EDEM1: variants seen among roughly 807,000 people sequenced by gnomAD.
EDEM1 encodes ER degradation-enhancing alpha-mannosidase-like protein 1.
Under a neutral mutation model 74.4 loss-of-function variants are expected in EDEM1, and 67 were observed. That is an observed-to-expected ratio of 0.90 (90% CI 0.74 to 1.10). The LOEUF is 1.10. EDEM1 is among the 50% of genes least tolerant of loss of function. The pLI is 0.00. For missense variants in EDEM1, 926 were observed against 851.6 expected (o/e 1.09, Z -1.09); for synonymous variants, 382 against 335.9 (o/e 1.14, Z -1.50).
intron 2 of EDEM1, 99 bp downstream of exon 2, chr3:5,195,380 G>A: frequency 1.8e-6 from 1 of 564,818 alleles, no homozygotes; most frequent in Non-Finnish European, 2.8e-6. Flanking sequence ...AGCCTGATAA[G>A]TCAAAATGTA....
At chr3:5,196,935 C>T (rs201733860) in intron 2 of EDEM1, among the ~76,000 whole-genome samples, 2,167 of 138,380 alleles carry the variant, frequency 0.016, 58 homozygotes, top group African/African-American at 0.055. Context: ...CTTTTCTTTT[C>T]TTTTTTTTTT....
rs1360257212 is a variant in EDEM1, at chr3:5,217,730, G to T, written c.*1812G>T. 1 of 151,994 alleles carries T rather than the reference G, an allele frequency of 6.6e-6. No individual in the cohort carries two copies. The highest frequency in any genetic ancestry group is 1.5e-5 in the Non-Finnish European group (1 of 68,022). 9.4% of individuals were successfully genotyped at this position (151,994 alleles called of 1,614,324 possible). On this transcript the variant is annotated 3_prime_UTR_variant, in exon 12 of 12. Transcript: ENST00000256497. Reference sequence around the variant, plus strand: ...TTAACAGTGTCCCATCTACTGAATAGAAAACTTTGAGAATAATATATATAT... The same window carrying T: ...TTAACAGTGTCCCATCTACTGAATATAAAACTTTGAGAATAATATATATAT...
chr3:5,208,133 C>T lies in EDEM1; in HGVS notation c.1379C>T (p.Ala460Val), dbSNP rs867423282. 5 of 1,609,360 alleles carry T rather than the reference C, an allele frequency of 3.1e-6. No individual in the cohort carries two copies. The highest frequency in any genetic ancestry group is 4.2e-6 in the Non-Finnish European group (5 of 1,178,760). ...GDVEDAICLH[A>V]FYYAIWKRYG... ...GTGGAAGATGCCATCTGCCTTCATG[C>T]CTTCTACTATGCCATATGGAAACGA... The change falls in exon 8 of 12, where the codon GCC becomes GTC. Residue 460 changes from alanine (A) to valine (V), a missense_variant. Coordinates refer to ENST00000256497, the MANE Select transcript of EDEM1 (RefSeq NM_014674.3).
chr3:5,210,986 C>T (rs2106608257), intron 9 of EDEM1, 134 bp from the exon 10 acceptor site: 1 of 803,788 alleles, frequency 1.2e-6, no homozygotes, highest in South Asian at 1.8e-5. Flanking sequence ...AGGAGAGCCC[C>T]TCAATGTAAA....
chr3:5,190,919 G>A (rs1329986121), intron 1 of EDEM1, among the ~76,000 whole-genome samples: 2 of 152,018 alleles, frequency 1.3e-5, no homozygotes, highest in Admixed American at 6.5e-5. Flanking sequence ...CACAGTAGGT[G>A]TATATATTTA....
In EDEM1 at chr3:5,205,116, C is replaced by G. The variant is rs1449410247; in HGVS notation, c.1092C>G (p.Gly364=). The change falls in exon 6 of 12, where the codon GGC becomes GGG. Residue 364 remains glycine (G), a synonymous_variant. Transcript: ENST00000256497. ...QTGHWVGKQS[G]LGAGLDSFYE... ...GCCACTGGGTTGGAAAGCAGAGTGG[C>G]CTGGGTGCCGGGCTGGACTCCTTCT... 6.2e-7 allele frequency: 1 copy of G among 1,614,178 alleles called. No homozygotes were observed. Among genetic ancestry groups the G allele is most frequent in the Admixed American group, 1.7e-5 (1 of 60,018 alleles).
At position 5,199,657 on chromosome 3, in the gene EDEM1, CAA is replaced by C. The variant is rs749786406; in HGVS notation, c.650_651del (p.Lys217ArgfsTer8). 6.2e-7 allele frequency: 1 copy of C among 1,613,804 alleles called. No individual in the cohort carries two copies. The highest frequency in any genetic ancestry group is 2.2e-5 in the East Asian group (1 of 44,872). On this transcript the variant is annotated frameshift_variant, in exon 3 of 12. Coordinates refer to ENST00000256497, the MANE Select transcript of EDEM1 (RefSeq NM_014674.3). LOFTEE classifies it high-confidence loss of function. ...TAGTGATCAACACAGTTTCATTTGA[CAA>C]AGATTCCACCGTCCAAGTCTTTGAG... ...KLVINTVSFD[K>X]DSTVQVFEAT...
At chr3:5,209,721 A>T (rs192552529) in intron 8 of EDEM1, among the ~76,000 whole-genome samples, 1 of 152,294 alleles carries the variant, frequency 6.6e-6, no homozygotes, top group East Asian at 1.9e-4. Context: ...GCCTCCTTTC[A>T]TACTTCGGAA....
rs1051178410 is a variant in EDEM1, at chr3:5,216,173, A to G, written c.*255A>G. 1.0e-5 allele frequency: 5 copies of G among 494,990 alleles called. No individual in the cohort carries two copies. Among genetic ancestry groups the G allele is most frequent in the Non-Finnish European group, 1.8e-5 (5 of 284,162 alleles). The allele number at this position is 494,990 out of a possible 1,614,324, so 30.7% of individuals were successfully genotyped here. On this transcript the variant is annotated 3_prime_UTR_variant, in exon 12 of 12. Transcript: ENST00000256497. ...GAAATTGCCCTCTTATGACATGTTG[A>G]TGTTATAAGCACAATAGATGGGGCA...
At chr3:5,215,433 C>T (rs563532594) in intron 11 of EDEM1, among the ~76,000 whole-genome samples, 1 of 152,296 alleles carries the variant, frequency 6.6e-6, no homozygotes, top group African/African-American at 2.4e-5. Context: ...GGACTAAGGA[C>T]CCCAGGGATG....
At chr3:5,204,217 G>T (rs1383654633) in intron 5 of EDEM1, among the ~76,000 whole-genome samples, 2 of 152,048 alleles carry the variant, frequency 1.3e-5, no homozygotes, top group Non-Finnish European at 2.9e-5. Flanking sequence ...AGCCTGGCCT[G>T]TGTAACTTCT....
intron 3 of EDEM1, among the ~76,000 whole-genome samples, chr3:5,200,740 T>C (rs1374127077): frequency 2.0e-5 from 3 of 152,186 alleles, no homozygotes; most frequent in African/African-American, 7.2e-5. Context: ...GCCTGCTGCC[T>C]CTTAGTAGGT....
At chr3:5,196,043 A>C (rs950006758) in intron 2 of EDEM1, among the ~76,000 whole-genome samples, 2 of 152,136 alleles carry the variant, frequency 1.3e-5, no homozygotes, top group Non-Finnish European at 2.9e-5. Flanking sequence ...GCTTTCCTTC[A>C]TTGTCCAGCA....
In EDEM1 at chr3:5,187,754, C is replaced by G; in HGVS notation, c.-52C>G. 6.8e-7 allele frequency: 1 copy of G among 1,464,332 alleles called. No individual in the cohort carries two copies. The highest frequency in any genetic ancestry group is 9.0e-7 in the Non-Finnish European group (1 of 1,108,092). 90.7% of individuals were successfully genotyped at this position (1,464,332 alleles called of 1,614,324 possible). A position where few individuals can be genotyped will look rare whatever the true frequency, so the allele number is the denominator to read the frequency against. On this transcript the variant is annotated 5_prime_UTR_variant, in exon 1 of 12. Transcript: ENST00000256497. ...CGGGGCGAGCGCGGGGTGCGGTGGT[C>G]GGCGGGGAGGCCCCCGCGCTTTAAA... is the stretch of plus-strand genomic sequence containing the variant.
At chr3:5,212,488 C>T (rs1229161016) in intron 10 of EDEM1, among the ~76,000 whole-genome samples, 2 of 152,172 alleles carry the variant, frequency 1.3e-5, no homozygotes, top group East Asian at 3.8e-4. Flanking sequence ...AGGAAGGTGA[C>T]CCTGGAGGGT....
Position 5,212,239 on chromosome 3 carries a change from C to T in EDEM1, c.1680+1023C>T, listed in dbSNP as rs138692091. 1.4e-3 allele frequency among the ~76,000 whole-genome samples: 210 copies of T among 152,334 alleles called. 1 individual carries two copies. The highest frequency in any genetic ancestry group is 4.9e-3 in the African/African-American group (203 of 41,576). ...TGGTCTAATCCATTAAGACGATACT[C>T]TTCTCTGTCTGGGGTCTTTTCACAG... On this transcript the variant is annotated intron_variant, in intron 10 of 11. Coordinates refer to ENST00000256497, the MANE Select transcript of EDEM1 (RefSeq NM_014674.3).
At chr3:5,209,847 G>A (rs2055146139) in intron 8 of EDEM1, among the ~76,000 whole-genome samples, 1 of 152,166 alleles carries the variant, frequency 6.6e-6, no homozygotes, top group Admixed American at 6.5e-5. Flanking sequence ...ATAGAAATTG[G>A]ATTTGTTCTC....
chr3:5,204,632 T>C (rs1340520860), intron 5 of EDEM1, among the ~76,000 whole-genome samples: 1 of 152,174 alleles, frequency 6.6e-6, no homozygotes, highest in Admixed American at 6.5e-5. Flanking sequence ...GCTCAAGCGA[T>C]CCACCTGCCT....
At chr3:5,202,040 C>G (rs143122437) in intron 4 of EDEM1, 116 bp downstream of exon 4, 1 of 1,297,886 alleles carries the variant, frequency 7.7e-7, no homozygotes, top group Non-Finnish European at 1.0e-6. Flanking sequence ...ATGAGAAAAG[C>G]AGTGTCCTTA....
Sources: allele counts gnomAD v4.1 joint callset (sites outside exome capture counted in the v4.1 genomes callset), GRCh38; gene constraint gnomAD v4.1.1; transcripts MANE v1.5; gene names NCBI Gene and HGNC (gene_info 2026-07-23, HGNC 2026-07-21).